SPOCD1: variants seen among roughly 807,000 people sequenced by gnomAD.
The protein encoded by SPOCD1 is SPOC domain containing 1.
SPOCD1 carries 64 observed loss-of-function variants against 92.2 expected under a neutral mutation model. The observed-to-expected ratio is 0.69, with a 90% CI of 0.57 to 0.86. The LOEUF (loss-of-function observed/expected upper bound fraction) is 0.86, where lower values mean the gene tolerates loss of function less well. Among genes scored for constraint, SPOCD1 ranks in the 40% least tolerant of loss-of-function variants. SPOCD1 has a pLI of 0.00. For synonymous variants in SPOCD1, 578 were observed against 619.3 expected (o/e 0.93, Z 0.99); for missense variants, 1,360 against 1,543.1 (o/e 0.88, Z 1.99).
chr1:31,814,397 C>A lies in SPOCD1; in HGVS notation c.937G>T (p.Glu313Ter). 1.2e-6 allele frequency: 2 copies of A among 1,608,988 alleles called. No homozygotes were observed. The highest frequency in any genetic ancestry group is 1.7e-6 in the Non-Finnish European group (2 of 1,177,624). The change falls in exon 2 of 16, where the codon GAG becomes TAG. Residue 313 changes from glutamate (E) to a stop codon, truncating the protein, a stop_gained. Coordinates refer to ENST00000360482, the MANE Select transcript of SPOCD1 (RefSeq NM_144569.7). LOFTEE classifies it high-confidence loss of function. The surrounding 1 kb of genome is among the most constrained non-coding windows in gnomAD (Gnocchi z 4.2). ...PVGFPVPSGG[E>*]SLSSAAQAPP... ...GCCTGTGCAGCTGAACTGAGGGACTCCCCTCCACTGGGCACTGGGAACCCG... is the reference window on the plus strand; with the variant it reads ...GCCTGTGCAGCTGAACTGAGGGACTACCCTCCACTGGGCACTGGGAACCCG...
At chr1:31,804,092 A>G (rs530552127) in intron 2 of SPOCD1, among the ~76,000 whole-genome samples, 1 of 152,380 alleles carries the variant, frequency 6.6e-6, no homozygotes, top group African/African-American at 2.4e-5. Flanking sequence ...AACACTCATG[A>G]TAAGGAGATC....
Position 31,813,996 on chromosome 1 carries a change from G to A in SPOCD1, c.1338C>T (p.His446=). ...RGTDRSSDNS[H]QDRPEEPSPG... ...GGCTGGGTTCCTCTGGCCTGTCCTG[G>A]TGGGAGTTGTCTGAGCTTCTGTCTG... is the stretch of plus-strand genomic sequence containing the variant. The change falls in exon 2 of 16, where the codon CAC becomes CAT. Residue 446 remains histidine (H), a synonymous_variant. Coordinates refer to ENST00000360482, the MANE Select transcript of SPOCD1 (RefSeq NM_144569.7). 6.2e-7 allele frequency: 1 copy of A among 1,600,184 alleles called. No individual in the cohort carries two copies. The highest frequency in any genetic ancestry group is 8.5e-7 in the Non-Finnish European group (1 of 1,171,130).
intron 2 of SPOCD1, among the ~76,000 whole-genome samples, chr1:31,810,207 A>G (rs918028037): frequency 6.6e-6 from 1 of 152,040 alleles, no homozygotes; most frequent in African/African-American, 2.4e-5. Flanking sequence ...TCAACAAATT[A>G]TAATAAAGCC....
At chr1:31,806,832 C>T (rs1164205249) in intron 2 of SPOCD1, among the ~76,000 whole-genome samples, 1 of 152,094 alleles carries the variant, frequency 6.6e-6, no homozygotes, top group East Asian at 1.9e-4. Context: ...GGATTACAGG[C>T]GTGAGGAACC....
At chr1:31,794,304 G>A (rs1246312023) in intron 10 of SPOCD1, 69 bp from the exon 11 acceptor site, 8 of 1,120,240 alleles carry the variant, frequency 7.1e-6, no homozygotes, top group Non-Finnish European at 1.0e-5. Context: ...TCCATGGGTA[G>A]GGGGCCCCAG....
Position 31,793,808 on chromosome 1 carries a change from G to A in SPOCD1, c.2473C>T (p.Pro825Ser), listed in dbSNP as rs762779101. The change falls in exon 12 of 16, where the codon CCT becomes TCT. Residue 825 changes from proline to serine, a missense_variant. By Grantham distance (74) the Pro-to-Ser change is moderately conservative. Transcript: ENST00000360482. ...TTGGGCATCTCTGGAGCAGGCATAG[G>A]AGTTTGGCTTAGGGCTTTCTGGAAG... Reference protein sequence around the residue: ...NIFQKALSQTPMPAPEMPKTR... With the variant: ...NIFQKALSQTSMPAPEMPKTR... The A allele has an allele frequency of 1.5e-5, 24 of 1,614,130 alleles. No homozygotes were observed. Among genetic ancestry groups the A allele is most frequent in the Non-Finnish European group, 1.4e-5 (17 of 1,180,054 alleles).
In SPOCD1 at chr1:31,814,477, C is replaced by A; in HGVS notation, c.857G>T (p.Gly286Val). The A allele has an allele frequency of 6.4e-7, 1 of 1,572,622 alleles. No homozygotes were observed. Among genetic ancestry groups the A allele is most frequent in the Non-Finnish European group, 8.6e-7 (1 of 1,156,924 alleles). The change falls in exon 2 of 16, where the codon GGA (glycine) becomes GTA (valine). Residue 286 changes from glycine to valine, a missense_variant. Gly to Val is a moderately radical substitution (Grantham distance 109). This residue lies in a region of SPOCD1 where 606 missense variants were observed against 601.5 expected (regional missense o/e 1.01). Transcript: ENST00000360482. The surrounding 1 kb of genome is among the most constrained non-coding windows in gnomAD (Gnocchi z 4.2). The stretch of plus-strand genomic sequence containing the variant: ...CCCATCCCCTGTAGCGGGCAAATAT[C>A]CAAATTTCTCAGTCCCTGAGGCACA... ...AGCASGTEKF[G>V]YLPATGDGPQ...
At chr1:31,791,373 G>C (rs1647582464) in intron 15 of SPOCD1, 82 bp from the exon 16 acceptor site, 1 of 1,152,846 alleles carries the variant, frequency 8.7e-7, no homozygotes, top group Non-Finnish European at 1.2e-6. Context: ...CAGTGAGATG[G>C]GGCCCATGAG....
intron 2 of SPOCD1, among the ~76,000 whole-genome samples, chr1:31,803,354 T>C (rs990890182): frequency 4.6e-5 from 7 of 150,920 alleles, no homozygotes; most frequent in African/African-American, 1.5e-4. Context: ...ACTCAATATA[T>C]AGATTTAATA....
At chr1:31,807,551 G>A (rs985487834) in intron 2 of SPOCD1, among the ~76,000 whole-genome samples, 5 of 150,984 alleles carry the variant, frequency 3.3e-5, no homozygotes, top group East Asian at 2.0e-4. Flanking sequence ...CAGCAAAAGC[G>A]ATAATTAAAA....
At chr1:31,802,934 C>CT (rs749881703) in intron 2 of SPOCD1, among the ~76,000 whole-genome samples, 5 of 151,050 alleles carry the variant, frequency 3.3e-5, no homozygotes, top group African/African-American at 4.9e-5. Flanking sequence ...ATGAGTTTCA[C>CT]TTTTTTTGTT....
chr1:31,811,975 A>G (rs1414602054), intron 2 of SPOCD1, among the ~76,000 whole-genome samples: 1 of 152,208 alleles, frequency 6.6e-6, no homozygotes, highest in South Asian at 2.1e-4. Flanking sequence ...ATCTGGTCCA[A>G]ATAAATCATG....
chr1:31,814,860 C>T lies in SPOCD1; in HGVS notation c.474G>A (p.Glu158=). ...CCTCCCTGGGCCTGAGGCAGCTCAC[C>T]TCCTCCACTCCTGCAAGCCTCTCCC... ...ACRERLAGVE[E]VSCLRPREAR... is the part of the protein sequence containing the mutation. The change falls in exon 2 of 16, where the codon GAG becomes GAA. Residue 158 remains glutamate, a synonymous_variant. Transcript: ENST00000360482. This position sits in a 1 kb window ranked among gnomAD's most constrained non-coding sequence, Gnocchi z 4.2. 1 of 1,613,412 alleles carries T rather than the reference C, an allele frequency of 6.2e-7. No homozygotes were observed.
Position 31,790,580 on chromosome 1 carries a change from C to A in SPOCD1, c.*23G>T. ...CAACACTAGTGAGGGCATCAAAACCCCTGTTCTGGTGGGTAAGGAGGGTCA... is the reference window on the plus strand; with the variant it reads ...CAACACTAGTGAGGGCATCAAAACCACTGTTCTGGTGGGTAAGGAGGGTCA... On this transcript the variant is annotated 3_prime_UTR_variant, in exon 16 of 16. Coordinates refer to ENST00000360482, the MANE Select transcript of SPOCD1 (RefSeq NM_144569.7). 2 of 1,547,762 alleles carry A rather than the reference C, an allele frequency of 1.3e-6. No homozygotes were observed. Among genetic ancestry groups the A allele is most frequent in the South Asian group, 2.4e-5 (2 of 83,810 alleles).
chr1:31,793,935 C>A (rs1235186852), intron 11 of SPOCD1, 38 bp from the exon 12 acceptor site: 2 of 1,591,348 alleles, frequency 1.3e-6, no homozygotes, highest in Non-Finnish European at 1.7e-6. Context: ...ACAGGGGCAG[C>A]AGCAGCGCTG....
Position 31,800,463 on chromosome 1 carries a change from A to C in SPOCD1, c.1580T>G (p.Val527Gly), listed in dbSNP as rs369812440. The change falls in exon 4 of 16, where the codon GTG becomes GGG. Residue 527 changes from valine to glycine, a missense_variant. Physicochemically the swap from Val to Gly is moderately radical, Grantham distance 109. Transcript: ENST00000360482. The part of the protein sequence containing the change: ...QRLRRKKRPM[V>G]QGPAGCQVFQ... The stretch of plus-strand genomic sequence containing the variant: ...TACCTGGCACCCAGCAGGGCCCTGC[A>C]CCATGGGCCTTTTCTTCCTTCTGAG... The C allele has an allele frequency of 1.1e-5, 18 of 1,605,572 alleles. No individual in the cohort carries two copies. Among genetic ancestry groups the C allele is most frequent in the Non-Finnish European group, 1.5e-5 (18 of 1,175,950 alleles).
In SPOCD1 at chr1:31,798,133, T is replaced by C. The variant is rs1648155558; in HGVS notation, c.2145+74A>G. 1 of 1,096,870 alleles carries C rather than the reference T, an allele frequency of 9.1e-7. No individual in the cohort carries two copies. 67.9% of individuals were successfully genotyped at this position (1,096,870 alleles called of 1,614,324 possible). On this transcript the variant is annotated intron_variant, in intron 9 of 15. Transcript: ENST00000360482. This position sits in a 1 kb window ranked among gnomAD's most constrained non-coding sequence, Gnocchi z 4.1. ...CTCCCTCCCTCCCTGTCTCTGTCTC[T>C]CCCTCTTCCACTCTCAGGCCACCCA...
chr1:31,803,498 C>T (rs943503876), intron 2 of SPOCD1, among the ~76,000 whole-genome samples: 2 of 151,216 alleles, frequency 1.3e-5, no homozygotes, highest in Admixed American at 1.3e-4. Context: ...TTTGGGAGGC[C>T]GAGACAGGAG....
intron 2 of SPOCD1, among the ~76,000 whole-genome samples, chr1:31,812,007 G>A (rs1024300115): frequency 2.6e-5 from 4 of 152,180 alleles, no homozygotes; most frequent in Admixed American, 2.0e-4. Context: ...GGAGCCAGAC[G>A]CACAAGGATG....
Sources: gnomAD v4.1 joint callset for allele counts (sites outside exome capture counted in the v4.1 genomes callset) on GRCh38, gnomAD v4.1.1 for gene constraint, gnomAD v4.1.1 regional missense constraint, Gnocchi (gnomAD v3.1) non-coding constraint, MANE v1.5 for transcripts, NCBI Gene and HGNC (gene_info 2026-07-23, HGNC 2026-07-21) for gene names.